ATP13A3: variants seen among roughly 807,000 people sequenced by gnomAD.
ATP13A3 encodes ATPase 13A3, also known as polyamine-transporting ATPase 13A3.
ATP13A3 carries 59 observed loss-of-function variants against 158.1 expected under a neutral mutation model. The observed-to-expected ratio is 0.37, with a 90% CI of 0.30 to 0.46. The LOEUF is 0.46. Among genes scored for constraint, ATP13A3 ranks in the 20% least tolerant of loss-of-function variants. The pLI, the probability that ATP13A3 is intolerant of heterozygous loss-of-function variation, is 1.00. For missense variants in ATP13A3, 1,166 were observed against 1,525.2 expected (o/e 0.76, Z 3.92); for synonymous variants, 491 against 504.3 (o/e 0.97, Z 0.35).
Position 194,450,232 on chromosome 3 carries a change from T to A in ATP13A3, c.883A>T (p.Met295Leu), listed in dbSNP as rs1372760641. ...ATTGTCCCATTTAATGGAATGACCA[T>A]GACATCTCCTGGCACAAGGTCGGTA... Reference protein sequence around the residue: ...FSTDLVPGDVMVIPLNGTIMP... With the variant: ...FSTDLVPGDVLVIPLNGTIMP... The change falls in exon 11 of 34, where the codon ATG (methionine) becomes TTG (leucine). Residue 295 changes from methionine to leucine, a missense_variant. Coordinates refer to ENST00000645319, the MANE Select transcript of ATP13A3 (RefSeq NM_001367549.1). 5.6e-6 allele frequency: 9 copies of A among 1,613,308 alleles called. No individual in the cohort carries two copies. Among genetic ancestry groups the A allele is most frequent in the Non-Finnish European group, 5.9e-6 (7 of 1,179,408 alleles).
rs767575443 is a variant in ATP13A3, at chr3:194,430,331, ATGT to A, written c.2625-19_2625-17del. On this transcript the variant is annotated splice_polypyrimidine_tract_variant and intron_variant, in intron 24 of 33. Transcript: ENST00000645319. ...AACAAAATAACTAAGAAACAAAACA[ATGT>A]TAAGATTTTAATTAATTTCTTAAAC... 1 of 1,609,832 alleles carries A rather than the reference ATGT, an allele frequency of 6.2e-7. No homozygotes were observed. The highest frequency in any genetic ancestry group is 1.7e-5 in the Admixed American group (1 of 59,876).
intron 6 of ATP13A3, among the ~76,000 whole-genome samples, chr3:194,458,634 C>T (rs1719421302): frequency 6.6e-6 from 1 of 152,138 alleles, no homozygotes. Flanking sequence ...GTGATCCGCC[C>T]GCCTTGGCCT....
upstream of ATP13A3, among the ~76,000 whole-genome samples, chr3:194,491,500 C>A (rs1484022866): frequency 6.7e-6 from 1 of 148,544 alleles, no homozygotes; most frequent in Non-Finnish European, 1.5e-5. Context: ...ACCTCGCACG[C>A]CCCCTCCATC....
At chr3:194,469,426 A>G (rs1223897414) in intron 2 of ATP13A3, among the ~76,000 whole-genome samples, 9 of 152,134 alleles carry the variant, frequency 5.9e-5, no homozygotes, top group Admixed American at 5.9e-4. Flanking sequence ...ACACCACTGC[A>G]CTCCGGCCTG....
At chr3:194,439,644 C>T (rs1298133560) in intron 16 of ATP13A3, among the ~76,000 whole-genome samples, 3 of 152,178 alleles carry the variant, frequency 2.0e-5, no homozygotes, top group African/African-American at 7.2e-5. Context: ...CTTAACATCT[C>T]TAAAACTGGG....
In ATP13A3 at chr3:194,427,145, C is replaced by T; in HGVS notation, c.3055G>A (p.Gly1019Arg). 1 of 1,613,668 alleles carries T rather than the reference C, an allele frequency of 6.2e-7. No homozygotes were observed. The highest frequency in any genetic ancestry group is 8.5e-7 in the Non-Finnish European group (1 of 1,179,926). ...CAAAAAAAACCCAAAGATTGAAATC[C>T]AATGCAGATGATAATCTGAGACAAA... ...SVLSQIIICI[G>R]FQSLGFFWVK... The change falls in exon 29 of 34, where the codon GGA (glycine) becomes AGA (arginine). Residue 1019 changes from glycine (G) to arginine (R), a missense_variant. Gly to Arg is a moderately radical substitution (Grantham distance 125, BLOSUM62 -2). Around this residue, in one of 3 missense-constraint regions of ATP13A3, gnomAD observed 997 missense variants for 1,341.2 expected, o/e 0.74. Transcript: ENST00000645319.
chr3:194,427,589 A>G (rs1716879569), intron 28 of ATP13A3, among the ~76,000 whole-genome samples: 1 of 151,582 alleles, frequency 6.6e-6, no homozygotes, highest in Non-Finnish European at 1.5e-5. Context: ...ACTTGAGCCC[A>G]GAAGTTTGAG....
intron 7 of ATP13A3, among the ~76,000 whole-genome samples, chr3:194,456,265 G>C (rs917394571): frequency 1.6e-4 from 25 of 151,674 alleles, no homozygotes; most frequent in African/African-American, 6.1e-4. Flanking sequence ...GAACACACTA[G>C]ATCTTAACAA....
intron 21 of ATP13A3, 120 bp downstream of exon 21, chr3:194,433,652 C>G: frequency 1.6e-6 from 2 of 1,270,814 alleles, no homozygotes; most frequent in Non-Finnish European, 2.1e-6. Context: ...TAAAAGAGAA[C>G]TTAGGTTGAA....
chr3:194,467,100 C>T (rs1720039459), intron 2 of ATP13A3, among the ~76,000 whole-genome samples: 1 of 152,188 alleles, frequency 6.6e-6, no homozygotes, highest in South Asian at 2.1e-4. Context: ...CTTCCCACTC[C>T]TGTAAATCCA....
chr3:194,465,269 G>A (rs1295061247), intron 2 of ATP13A3, among the ~76,000 whole-genome samples: 4 of 152,162 alleles, frequency 2.6e-5, no homozygotes, highest in Non-Finnish European at 5.9e-5. Flanking sequence ...CTGAGTTTGG[G>A]AGATGAAACT....
Position 194,448,435 on chromosome 3 carries a change from G to A in ATP13A3, c.1150+22C>T, listed in dbSNP as rs770818755. On this transcript the variant is annotated intron_variant, in intron 12 of 33. Coordinates refer to ENST00000645319, the MANE Select transcript of ATP13A3 (RefSeq NM_001367549.1). The surrounding 1 kb of genome is among the most constrained non-coding windows in gnomAD (Gnocchi z 4.0). ...AAATATGCTGAAACATGCAAAAAGA[G>A]ATTAATTAAGATGTTTCCTACCTGT... is the stretch of plus-strand genomic sequence containing the variant. 6.2e-7 allele frequency: 1 copy of A among 1,604,488 alleles called. No individual in the cohort carries two copies. The highest frequency in any genetic ancestry group is 1.1e-5 in the South Asian group (1 of 90,704).
chr3:194,417,954 CGGACGGAAGGAAGGAA>C (rs1358147101), intron 31 of ATP13A3, among the ~76,000 whole-genome samples: 10 of 77,904 alleles, frequency 1.3e-4, no homozygotes, highest in African/African-American at 4.9e-4. Flanking sequence ...GACAGACGGA[CGGACGGAAGGAAGGAA>C]GGAAGGAAGG....
intron 8 of ATP13A3, 112 bp downstream of exon 8, chr3:194,455,781 A>G (rs1719183141): frequency 1.4e-6 from 1 of 726,884 alleles, no homozygotes; most frequent in African/African-American, 1.9e-5. Context: ...AAGTAAAAAT[A>G]TGAAAAAGAG....
At chr3:194,460,593 A>C (rs965671265) in intron 4 of ATP13A3, 65 bp downstream of exon 4, 1 of 1,485,956 alleles carries the variant, frequency 6.7e-7, no homozygotes, top group Non-Finnish European at 9.1e-7. Flanking sequence ...ATTTCGAATA[A>C]AGTATACACA....
At chr3:194,439,815 C>G (rs890907452) in intron 16 of ATP13A3, among the ~76,000 whole-genome samples, 1 of 152,166 alleles carries the variant, frequency 6.6e-6, no homozygotes, top group African/African-American at 2.4e-5. Flanking sequence ...TGCCATTATA[C>G]ACATTTTCTT....
intron 2 of ATP13A3, among the ~76,000 whole-genome samples, chr3:194,475,010 T>G (rs983736108): frequency 2.6e-5 from 4 of 151,546 alleles, no homozygotes; most frequent in Non-Finnish European, 5.9e-5. Flanking sequence ...ACGTTCTGCA[T>G]AGAAAGATAC....
chr3:194,430,897 CCAT>C (rs1717170763), intron 24 of ATP13A3, 43 bp downstream of exon 24: 1 of 1,439,274 alleles, frequency 6.9e-7, no homozygotes, highest in Non-Finnish European at 9.5e-7. Flanking sequence ...TGAAATGAAA[CCAT>C]CATTCATCAA....
chr3:194,480,358 C>T (rs1379436441), intron 2 of ATP13A3, among the ~76,000 whole-genome samples: 1 of 152,166 alleles, frequency 6.6e-6, no homozygotes, highest in Non-Finnish European at 1.5e-5. Context: ...TTTTAGCCAC[C>T]ATCATGTTTT....
Sources: allele counts gnomAD v4.1 joint callset (sites outside exome capture counted in the v4.1 genomes callset), GRCh38; gene constraint gnomAD v4.1.1; regional missense constraint gnomAD v4.1.1; non-coding constraint Gnocchi (gnomAD v3.1); transcripts MANE v1.5; gene names NCBI Gene and HGNC (gene_info 2026-07-23, HGNC 2026-07-21).